The following QTMAN variants were observed in gnomAD, a reference collection of about 807,000 sequenced individuals.
QTMAN encodes the protein queuosine-tRNA mannosyltransferase.
At chr2:144,255,872 T>G in the QTMAN span, among the ~76,000 whole-genome samples, 1 of 152,220 alleles carries the variant, frequency 6.6e-6, no homozygotes, top group African/African-American at 2.4e-5. Context: ...TGTATAAATA[T>G]TGGTTCGTCT....
At chr2:144,105,124 G>T in the QTMAN span, among the ~76,000 whole-genome samples, 1 of 152,290 alleles carries the variant, frequency 6.6e-6, no homozygotes, top group Admixed American at 6.5e-5. Context: ...CATCATCAAA[G>T]ATCGAAGGTA....
At chr2:144,004,789 C>G in the QTMAN span, among the ~76,000 whole-genome samples, 2 of 152,014 alleles carry the variant, frequency 1.3e-5, no homozygotes, top group African/African-American at 4.8e-5. Context: ...CAGGACCCAA[C>G]AGCTCTGGCA....
the QTMAN span, among the ~76,000 whole-genome samples, chr2:144,197,817 C>G: frequency 6.6e-6 from 1 of 152,330 alleles, no homozygotes; most frequent in Non-Finnish European, 1.5e-5. Context: ...TCAATAGTCT[C>G]CATCCAATAC....
At chr2:144,213,420 A>T in the QTMAN span, among the ~76,000 whole-genome samples, 3 of 152,326 alleles carry the variant, frequency 2.0e-5, no homozygotes. Context: ...CATGTCAATT[A>T]AAAAAATAAA....
chr2:144,055,617 C>T, the QTMAN span, among the ~76,000 whole-genome samples: 1 of 152,138 alleles, frequency 6.6e-6, no homozygotes, highest in Non-Finnish European at 1.5e-5. Flanking sequence ...GAACTGCTCA[C>T]ACGGGTGGGC....
At chr2:144,109,641 T>C in the QTMAN span, among the ~76,000 whole-genome samples, 6 of 151,944 alleles carry the variant, frequency 3.9e-5, no homozygotes, top group African/African-American at 1.5e-4. Flanking sequence ...TTTTGCAATC[T>C]ACTCATCTGA....
the QTMAN span, among the ~76,000 whole-genome samples, chr2:144,167,776 C>T: frequency 1.3e-5 from 2 of 152,142 alleles, no homozygotes; most frequent in Non-Finnish European, 2.9e-5. Context: ...GGTATTTCTT[C>T]ATAGCAGTGT....
At chr2:144,133,260 T>C in the QTMAN span, among the ~76,000 whole-genome samples, 16 of 63,764 alleles carry the variant, frequency 2.5e-4, no homozygotes, top group South Asian at 5.5e-3. Context: ...TATATAAATA[T>C]ATATAAATAT....
the QTMAN span, among the ~76,000 whole-genome samples, chr2:144,135,099 G>A: frequency 2.6e-4 from 39 of 152,272 alleles, no homozygotes; most frequent in East Asian, 7.1e-3. Flanking sequence ...TCCTTGGGAG[G>A]AGTTGGTCTT....
the QTMAN span, among the ~76,000 whole-genome samples, chr2:144,097,820 G>T: frequency 2.6e-5 from 4 of 152,102 alleles, no homozygotes; most frequent in Non-Finnish European, 5.9e-5. Context: ...TTTCAAATTT[G>T]TCTGTCTACC....
chr2:144,193,525 T>C, the QTMAN span, among the ~76,000 whole-genome samples: 1 of 150,596 alleles, frequency 6.6e-6, no homozygotes, highest in Non-Finnish European at 1.5e-5. Flanking sequence ...TGTGTGTGTA[T>C]GTGTGTGTGT....
At chr2:144,015,436 A>G in the QTMAN span, among the ~76,000 whole-genome samples, 1 of 152,042 alleles carries the variant, frequency 6.6e-6, no homozygotes, top group African/African-American at 2.4e-5. Context: ...GTGCCCAGGT[A>G]ACTCCCCATA....
At chr2:144,118,864 G>A in the QTMAN span, among the ~76,000 whole-genome samples, 1 of 152,184 alleles carries the variant, frequency 6.6e-6, no homozygotes, top group African/African-American at 2.4e-5. Flanking sequence ...CTGGGCGACA[G>A]AGCAAGACTT....
chr2:143,960,185 T>C, the QTMAN span, among the ~76,000 whole-genome samples: 1 of 152,126 alleles, frequency 6.6e-6, no homozygotes, highest in Admixed American at 6.6e-5. Context: ...ACAACTGCCA[T>C]TATTCTCAAG....
chr2:144,207,403 A>C, the QTMAN span, among the ~76,000 whole-genome samples: 1 of 152,128 alleles, frequency 6.6e-6, no homozygotes, highest in African/African-American at 2.4e-5. Context: ...ACAAGCTGCT[A>C]TGTCTCCTGT....
At chr2:144,176,455 C>A in the QTMAN span, among the ~76,000 whole-genome samples, 7 of 152,012 alleles carry the variant, frequency 4.6e-5, no homozygotes, top group East Asian at 1.9e-4. Flanking sequence ...AAGTCTATCA[C>A]CACTATAATT....
the QTMAN span, chr2:144,208,452 C>T: frequency 4.7e-6 from 3 of 642,428 alleles, no homozygotes; most frequent in Non-Finnish European, 7.8e-6. Context: ...GTATACTCCA[C>T]TGCTCTGCTC....
the QTMAN span, among the ~76,000 whole-genome samples, chr2:144,254,900 C>T: frequency 6.6e-6 from 1 of 152,216 alleles, no homozygotes; most frequent in Non-Finnish European, 1.5e-5. Flanking sequence ...TGCTCTATTG[C>T]ATTTCAGACT....
At chr2:144,068,716 C>T in the QTMAN span, among the ~76,000 whole-genome samples, 1 of 152,130 alleles carries the variant, frequency 6.6e-6, no homozygotes, top group African/African-American at 2.4e-5. Context: ...TATGCATCAA[C>T]ATTATGCCAA....
Sources: allele counts gnomAD v4.1 joint callset (sites outside exome capture counted in the v4.1 genomes callset), GRCh38; gene constraint gnomAD v4.1.1; transcripts MANE v1.5; gene names NCBI Gene and HGNC (gene_info 2026-07-23, HGNC 2026-07-21).